The following USO1 variants were observed in gnomAD, a reference collection of about 807,000 sequenced individuals.
The protein encoded by USO1 is USO1 vesicle transport factor.
In USO1, 57 loss-of-function variants were observed where a neutral mutation model predicts 124.5. The ratio of observed to expected loss-of-function variants is 0.46; its 90% CI spans 0.37 to 0.57. The LOEUF (loss-of-function observed/expected upper bound fraction) is 0.57. USO1 is among the 20% of genes least tolerant of loss of function. USO1 has a pLI of 0.00. For synonymous variants in USO1, 369 were observed against 362.8 expected (o/e 1.02, Z -0.19); for missense variants, 900 against 1,040.6 (o/e 0.86, Z 1.86).
chr4:75,807,323 C>G (rs971129324), intron 20 of USO1, among the ~76,000 whole-genome samples: 1 of 151,548 alleles, frequency 6.6e-6, no homozygotes, highest in African/African-American at 2.4e-5. Context: ...TCTTCTCTCT[C>G]TTTTCTTCTT....
At position 75,810,442 on chromosome 4, in the gene USO1, T is replaced by C; in HGVS notation, c.2486T>C (p.Val829Ala). ...AATTTCTAATTTCAGGCAAAATCAG[T>C]TGAGGTACAAGGAGAGACCGAGACT... Reference protein sequence around the residue: ...LQKTEAFAKSVEVQGETETII... With the variant: ...LQKTEAFAKSAEVQGETETII... Residue 829 changes from valine to alanine, a missense_variant, in exon 22 of 24, where the codon GTT (valine) becomes GCT (alanine). Val to Ala is a moderately conservative substitution (Grantham distance 64). Around this residue, in one of 2 missense-constraint regions of USO1, gnomAD observed 362 missense variants for 359.0 expected, o/e 1.01. Coordinates refer to ENST00000514213, the MANE Select transcript of USO1 (RefSeq NM_003715.4). 6.2e-7 allele frequency: 1 copy of C among 1,606,942 alleles called. No homozygotes were observed. Among genetic ancestry groups the C allele is most frequent in the South Asian group, 1.1e-5 (1 of 88,678 alleles).
At chr4:75,794,739 C>T (rs1188008874) in intron 13 of USO1, among the ~76,000 whole-genome samples, 3 of 152,278 alleles carry the variant, frequency 2.0e-5, no homozygotes, top group Admixed American at 6.5e-5. Context: ...CTGCCACACT[C>T]GTTGAATTTT....
intron 9 of USO1, among the ~76,000 whole-genome samples, chr4:75,786,171 T>C (rs140439061): frequency 3.2e-4 from 48 of 152,250 alleles, no homozygotes; most frequent in Non-Finnish European, 6.0e-4. Flanking sequence ...AGTATTTAAC[T>C]CCTCCCTCAC....
intron 20 of USO1, among the ~76,000 whole-genome samples, chr4:75,807,198 A>G (rs542626269): frequency 3.9e-5 from 6 of 152,312 alleles, no homozygotes; most frequent in African/African-American, 1.4e-4. Context: ...AAGAATCAAA[A>G]GAGAGAAATG....
rs1369889595 is a variant in USO1 at position 75,802,914 on chromosome 4, C to G, written c.1987-1220C>G. ...TCTGACCAACATGGAGAAACCCTGT[C>G]TCTACTAAAAATACAAAAAATTAGC... On this transcript the variant is annotated intron_variant, in intron 17 of 23. Transcript: ENST00000514213. Among the ~76,000 whole-genome samples the G allele has an allele frequency of 3.3e-5, 5 of 149,770 alleles. 1 individual carries two copies. The highest frequency in any genetic ancestry group is 3.3e-4 in the Admixed American group (5 of 15,106).
intron 4 of USO1, among the ~76,000 whole-genome samples, chr4:75,765,311 CT>C (rs1265105966): frequency 6.6e-6 from 1 of 151,990 alleles, no homozygotes; most frequent in Non-Finnish European, 1.5e-5. Flanking sequence ...TCTTTATCTG[CT>C]TTTTTATCTA....
intron 4 of USO1, among the ~76,000 whole-genome samples, chr4:75,762,058 C>T (rs182756866): frequency 4.9e-4 from 75 of 151,880 alleles, no homozygotes; most frequent in African/African-American, 1.8e-3. Flanking sequence ...CTCATAGCAG[C>T]CAGTGAGGTA....
In USO1 at chr4:75,805,241, A is replaced by C. The variant is rs1470496729; in HGVS notation, c.2227A>C (p.Lys743Gln). The C allele has an allele frequency of 6.2e-7, 1 of 1,612,852 alleles. No homozygotes were observed. The highest frequency in any genetic ancestry group is 8.5e-7 in the Non-Finnish European group (1 of 1,179,328). Residue 743 changes from lysine (K) to glutamine (Q), a missense_variant, in exon 19 of 24, where the codon AAA becomes CAA. Coordinates refer to ENST00000514213, the MANE Select transcript of USO1 (RefSeq NM_003715.4). Reference protein sequence around the residue: ...GRLREEIEELKRNQELLQSQL... With the variant: ...GRLREEIEELQRNQELLQSQL... ...ATTGCGAGAAGAGATAGAAGAATTAAAACGTAATCAGGAACTTTTACAAAG... is the reference window on the plus strand; with the variant it reads ...ATTGCGAGAAGAGATAGAAGAATTACAACGTAATCAGGAACTTTTACAAAG...
Position 75,787,137 on chromosome 4 carries a change from G to A in USO1, c.931G>A (p.Gly311Arg). Residue 311 changes from glycine to arginine, a missense_variant, in exon 10 of 24, where the codon GGG (glycine) becomes AGG (arginine). Physicochemically the swap from Gly to Arg is moderately radical, Grantham distance 125. Coordinates refer to ENST00000514213, the MANE Select transcript of USO1 (RefSeq NM_003715.4). ...CTGCCAGAAGGCTATGTTCCAGTGT[G>A]GGTTATTGCAGCAGCTTTGTACTAT... ...SSCQKAMFQC[G>R]LLQQLCTILM... 6.2e-7 allele frequency: 1 copy of A among 1,607,384 alleles called. No homozygotes were observed. Among genetic ancestry groups the A allele is most frequent in the East Asian group, 2.3e-5 (1 of 44,024 alleles).
chr4:75,762,709 A>G (rs572830668), intron 4 of USO1, among the ~76,000 whole-genome samples: 1 of 152,142 alleles, frequency 6.6e-6, no homozygotes, highest in East Asian at 1.9e-4. Flanking sequence ...CAGGCAGATC[A>G]CAAGGTCAGG....
In USO1 at chr4:75,789,734, T is replaced by G. The variant is rs1039415128; in HGVS notation, c.997-416T>G. ...TTTAACTTTATCCTTAAATTGAATT[T>G]TTTAACTCTTTAAATTTGTTCTTTG... On this transcript the variant is annotated intron_variant, in intron 10 of 23. Coordinates refer to ENST00000514213, the MANE Select transcript of USO1 (RefSeq NM_003715.4). 9.1e-4 allele frequency among the ~76,000 whole-genome samples: 138 copies of G among 152,292 alleles called. 1 individual carries two copies. Among genetic ancestry groups the G allele is most frequent in the African/African-American group, 3.2e-3 (133 of 41,588 alleles).
At chr4:75,799,877 T>G in intron 14 of USO1, 145 bp downstream of exon 14, 1 of 927,236 alleles carries the variant, frequency 1.1e-6, no homozygotes, top group Non-Finnish European at 1.6e-6. Context: ...GTTAAAGTTG[T>G]TATGATGCTT....
chr4:75,728,203 T>A (rs1720520067), intron 1 of USO1, among the ~76,000 whole-genome samples: 1 of 152,132 alleles, frequency 6.6e-6, no homozygotes, highest in Non-Finnish European at 1.5e-5. Context: ...TACTAAATGC[T>A]TTGACTGCTT....
intron 1 of USO1, among the ~76,000 whole-genome samples, chr4:75,747,900 CTTTTTTT>C (rs34689475): frequency 2.3e-5 from 1 of 44,288 alleles, no homozygotes; most frequent in Non-Finnish European, 4.0e-5. Flanking sequence ...CTCACCTGGC[CTTTTTTT>C]TTTTTTTTTT....
chr4:75,782,103 GT>G (rs1722237009), intron 8 of USO1, among the ~76,000 whole-genome samples: 1 of 152,210 alleles, frequency 6.6e-6, no homozygotes, highest in Non-Finnish European at 1.5e-5. Flanking sequence ...AGAGCATAAT[GT>G]TTTAGAAATC....
At chr4:75,784,360 A>G (rs1350582133) in intron 9 of USO1, among the ~76,000 whole-genome samples, 1 of 152,200 alleles carries the variant, frequency 6.6e-6, no homozygotes, top group Admixed American at 6.5e-5. Context: ...TAGAAAAGTA[A>G]TTTCCAAAAT....
chr4:75,753,780 AT>A (rs1180101340), intron 3 of USO1, among the ~76,000 whole-genome samples: 3,017 of 125,664 alleles, frequency 0.024, 22 homozygotes, highest in Non-Finnish European at 0.03. Context: ...AGCTCTTTCA[AT>A]TTTTTTTTTT....
At chr4:75,795,195 G>A in intron 13 of USO1, 1 of 588,728 alleles carries the variant, frequency 1.7e-6, no homozygotes, top group Non-Finnish European at 3.0e-6. Flanking sequence ...TATAAAAGAA[G>A]TATCATTAGA....
At position 75,790,761 on chromosome 4, in the gene USO1, G is replaced by A; in HGVS notation, c.1204G>A (p.Glu402Lys). 1 of 1,612,342 alleles carries A rather than the reference G, an allele frequency of 6.2e-7. No homozygotes were observed. The highest frequency in any genetic ancestry group is 8.5e-7 in the Non-Finnish European group (1 of 1,179,122). ...FLYKNQKGQG[E>K]IVSTLLPSTI... ...GTATAAAAACCAAAAAGGACAAGGA[G>A]AAATCGTGTCAACACTTTTACCTTC... The change falls in exon 12 of 24, where the codon GAA becomes AAA. Residue 402 changes from glutamate (E) to lysine (K), a missense_variant. By Grantham distance (56) the Glu-to-Lys change is moderately conservative (BLOSUM62 1). Around this residue, in one of 2 missense-constraint regions of USO1, gnomAD observed 538 missense variants for 681.6 expected, o/e 0.79. Transcript: ENST00000514213.
Sources: gnomAD v4.1 joint callset for allele counts (sites outside exome capture counted in the v4.1 genomes callset) on GRCh38, gnomAD v4.1.1 for gene constraint, gnomAD v4.1.1 regional missense constraint, MANE v1.5 for transcripts, NCBI Gene and HGNC (gene_info 2026-07-23, HGNC 2026-07-21) for gene names.